The following ANKRD36C variants were observed in gnomAD, a reference collection of about 807,000 sequenced individuals.
ANKRD36C encodes the protein ankyrin repeat domain-containing protein 36C.
A neutral mutation model predicts 276.4 loss-of-function variants in ANKRD36C; 61 were observed. That is an observed-to-expected ratio of 0.22 (90% confidence interval 0.18 to 0.27). The LOEUF is 0.27. Among genes scored for constraint, ANKRD36C ranks in the 10% least tolerant of loss-of-function variants. The pLI is 1.00. For synonymous variants in ANKRD36C, 483 were observed against 680.1 expected, an observed-to-expected ratio of 0.71 and a Z score of 4.51; for missense variants, 1,447 against 2,032.3, an observed-to-expected ratio of 0.71 and a Z score of 5.54.
intron 56 of ANKRD36C, among the ~76,000 whole-genome samples, chr2:95,880,978 C>A (rs1035810718): frequency 2.6e-5 from 4 of 152,188 alleles, no homozygotes; most frequent in African/African-American, 9.6e-5. Context: ...CTGGTGCTAA[C>A]TGCGACTGCA....
At chr2:95,939,837 G>C (rs75753771) in intron 20 of ANKRD36C, among the ~76,000 whole-genome samples, 1 of 150,946 alleles carries the variant, frequency 6.6e-6, no homozygotes. Context: ...AGTCATGAAG[G>C]CTTCTGATAT....
At chr2:95,874,887 C>T (rs1335083186) in intron 59 of ANKRD36C, among the ~76,000 whole-genome samples, 3 of 152,228 alleles carry the variant, frequency 2.0e-5, no homozygotes, top group African/African-American at 7.2e-5. Flanking sequence ...ACAGACACTT[C>T]TCAAAAGAAG....
In ANKRD36C at chr2:95,941,320, T is replaced by A. The variant is rs542364458; in HGVS notation, c.1492-121A>T. On this transcript the variant is annotated intron_variant, in intron 19 of 66. Coordinates refer to ENST00000456556, the Ensembl canonical transcript of ANKRD36C. ...ATAAGGTCTATACTGGAAAATCTGATAATATGAATAAAATACCAATTTTAT... is the reference window on the plus strand; with the variant it reads ...ATAAGGTCTATACTGGAAAATCTGAAAATATGAATAAAATACCAATTTTAT... 4 of 1,194,394 alleles carry A rather than the reference T, an allele frequency of 3.3e-6. No homozygotes were observed. The South Asian group carries it at 9.4e-5, about 28-fold the overall frequency. The allele number at this position is 1,194,394 out of a possible 1,614,324, so 74.0% of individuals were successfully genotyped here. A position where few individuals can be genotyped will look rare whatever the true frequency, so the allele number is the denominator to read the frequency against.
At chr2:95,893,849 T>C in intron 44 of ANKRD36C, 125 bp from the exon 63 acceptor site, 1 of 1,518,670 alleles carries the variant, frequency 6.6e-7, no homozygotes. Context: ...TAATGGCTTC[T>C]ACTTTGTGTC....
exon 4 of ANKRD36C, chr2:95,982,345 C>T (rs1186919268): frequency 3.9e-6 from 6 of 1,546,142 alleles, no homozygotes; most frequent in Non-Finnish European, 5.2e-6. Context: ...CAGCAAGGAA[C>T]AGTGGCGGAT....
At chr2:95,951,056 T>G in intron 15 of ANKRD36C, among the ~76,000 whole-genome samples, 1 of 152,304 alleles carries the variant, frequency 6.6e-6, no homozygotes, top group African/African-American at 2.4e-5. Context: ...GGGAATCACT[T>G]GAGGTCAAAA....
Position 95,923,647 on chromosome 2 carries a change from G to A in ANKRD36C, c.2070+14C>T, listed in dbSNP as rs746417102. The A allele has an allele frequency of 1.2e-4, 197 of 1,610,062 alleles. No homozygotes were observed. Among genetic ancestry groups the A allele is most frequent in the Admixed American group, 1.7e-4 (10 of 59,658 alleles). ...ACAGTTACTAATACAAAATATAAATGAGAGTTTAATTACCTTTGAGGGTGG... is the reference window on the plus strand; with the variant it reads ...ACAGTTACTAATACAAAATATAAATAAGAGTTTAATTACCTTTGAGGGTGG... On this transcript the variant is annotated intron_variant, in intron 31 of 66. Coordinates refer to ENST00000456556, the Ensembl canonical transcript of ANKRD36C.
chr2:95,852,466 T>C, intron 64 of ANKRD36C: 2 of 397,490 alleles, frequency 5.0e-6, no homozygotes, highest in Non-Finnish European at 9.0e-6. Flanking sequence ...AAGGATCTTA[T>C]GGCTCACAAA....
intron 6 of ANKRD36C, among the ~76,000 whole-genome samples, chr2:95,975,450 A>G (rs1003568642): frequency 6.6e-6 from 1 of 152,240 alleles, no homozygotes; most frequent in Admixed American, 6.5e-5. Flanking sequence ...ATGGAACAGA[A>G]CAGAGCCATC....
intron 5 of ANKRD36C, among the ~76,000 whole-genome samples, chr2:95,980,297 C>T (rs1370172537): frequency 6.6e-6 from 1 of 152,058 alleles, no homozygotes; most frequent in Non-Finnish European, 1.5e-5. Context: ...ATAAACTGGA[C>T]ATTTTGAGAC....
intron 6 of ANKRD36C, among the ~76,000 whole-genome samples, chr2:95,975,030 C>T (rs982491076): frequency 3.9e-5 from 6 of 152,006 alleles, no homozygotes; most frequent in African/African-American, 1.4e-4. Flanking sequence ...ATATGTGCCA[C>T]ATTTTCTTAA....
chr2:95,927,757 T>G (rs75921798), intron 26 of ANKRD36C, among the ~76,000 whole-genome samples: 5 of 151,648 alleles, frequency 3.3e-5, no homozygotes, highest in African/African-American at 7.2e-5. Context: ...GGTGGTACAT[T>G]ATCCCACATG....
At chr2:95,922,197 G>T (rs1347438579) in intron 32 of ANKRD36C, among the ~76,000 whole-genome samples, 2 of 151,490 alleles carry the variant, frequency 1.3e-5, no homozygotes, top group African/African-American at 4.8e-5. Context: ...ATATCCAAAT[G>T]ATTTACACCA....
intron 61 of ANKRD36C, among the ~76,000 whole-genome samples, chr2:95,859,356 G>C: frequency 6.6e-6 from 1 of 151,806 alleles, no homozygotes; most frequent in Admixed American, 6.6e-5. Context: ...TAATTATTCT[G>C]GGTAAAGAAA....
downstream of ANKRD36C, among the ~76,000 whole-genome samples, chr2:95,850,750 C>G (rs1317329084): frequency 1.3e-5 from 2 of 152,342 alleles, no homozygotes; most frequent in East Asian, 3.9e-4. Flanking sequence ...CAAGTGACTG[C>G]TTGTGACCTG....
At chr2:95,895,568 G>C in intron 44 of ANKRD36C, 1 of 1,547,968 alleles carries the variant, frequency 6.5e-7, no homozygotes, top group Non-Finnish European at 8.7e-7. Flanking sequence ...TTACCTTCAA[G>C]GCTGCTTTTT....
intron 19 of ANKRD36C, among the ~76,000 whole-genome samples, chr2:95,943,484 A>G (rs1332400000): frequency 1.5e-5 from 1 of 67,634 alleles, no homozygotes; most frequent in Non-Finnish European, 4.1e-5. Flanking sequence ...ACTCCGTCTC[A>G]AAAAAAAAAA....
chr2:95,910,828 A>G (rs1676896592), intron 42 of ANKRD36C, among the ~76,000 whole-genome samples: 1 of 151,438 alleles, frequency 6.6e-6, no homozygotes, highest in Admixed American at 6.6e-5. Context: ...AACCGTGTCA[A>G]TCTCAACGTG....
At chr2:95,896,994 A>C (rs1414328559) in intron 44 of ANKRD36C, among the ~76,000 whole-genome samples, 1 of 148,268 alleles carries the variant, frequency 6.7e-6, no homozygotes, top group Non-Finnish European at 1.5e-5. Flanking sequence ...GAATTAAAGC[A>C]AAATTATGTT....
Sources: allele counts gnomAD v4.1 joint callset (sites outside exome capture counted in the v4.1 genomes callset), GRCh38; gene constraint gnomAD v4.1.1; transcripts MANE v1.5; gene names NCBI Gene and HGNC (gene_info 2026-07-23, HGNC 2026-07-21).